The following B4GALT5 variants were observed in gnomAD, a reference collection of about 807,000 sequenced individuals.
B4GALT5 encodes the protein beta-1,4-galactosyltransferase 5, also known as UDP-Gal:beta-GlcNAc beta-1,4-galactosyltransferase 5.
A neutral mutation model predicts 45.0 loss-of-function variants in B4GALT5; 11 were observed. That is an observed-to-expected ratio of 0.24 (90% CI 0.15 to 0.40). B4GALT5 has a LOEUF of 0.40. Ranked by LOEUF, B4GALT5 falls within the 10% of genes least tolerant of loss-of-function variation. The probability of loss-of-function intolerance (pLI) is 1.00; values close to 1 mark genes in which losing one functional copy is unlikely to be tolerated. For missense variants in B4GALT5, 337 were observed against 500.2 expected (o/e 0.67, Z 3.11); for synonymous variants, 185 against 182.9 (o/e 1.01, Z -0.09).
In B4GALT5 at chr20:49,692,700, G is replaced by A. The variant is rs138953606; in HGVS notation, c.115+20876C>T. On this transcript the variant is annotated intron_variant, in intron 1 of 8. Transcript: ENST00000371711. Reference sequence around the variant, plus strand: ...ATACAGGGGTAAGCCCAATAATTTTGAGTATCCTTTCCACTGAAAACCTGT... The same window carrying A: ...ATACAGGGGTAAGCCCAATAATTTTAAGTATCCTTTCCACTGAAAACCTGT... Among the ~76,000 whole-genome samples the A allele has an allele frequency of 2.2e-4, 33 of 152,258 alleles. 1 individual carries two copies. The East Asian group carries it at 4.4e-3, about 20-fold the overall frequency.
At chr20:49,640,732 C>T (rs1442247145) in intron 5 of B4GALT5, 67 bp from the exon 6 acceptor site, 1 of 1,460,720 alleles carries the variant, frequency 6.8e-7, no homozygotes, top group East Asian at 2.4e-5. Context: ...TTTCCTGTGC[C>T]TAAAGACGAG....
chr20:49,671,398 T>G (rs554373253), intron 1 of B4GALT5, among the ~76,000 whole-genome samples: 48 of 152,238 alleles, frequency 3.2e-4, no homozygotes, highest in Non-Finnish European at 5.1e-4. Flanking sequence ...TTTCTGAGAT[T>G]ATGTCTGCAT....
At chr20:49,639,921 T>C (rs2085568872) in intron 6 of B4GALT5, 121 bp from the exon 7 acceptor site, 1 of 1,335,526 alleles carries the variant, frequency 7.5e-7, no homozygotes, top group Admixed American at 2.6e-5. Flanking sequence ...ACCATATGAA[T>C]GTATCAAATT....
chr20:49,688,736 C>T (rs767299092), intron 1 of B4GALT5, among the ~76,000 whole-genome samples: 6 of 152,046 alleles, frequency 3.9e-5, no homozygotes, highest in Admixed American at 2.6e-4. Flanking sequence ...GTCAGGAGTT[C>T]GAGACCAGCC....
chr20:49,637,487 GC>G, intron 7 of B4GALT5, 45 bp from the exon 8 acceptor site: 1 of 1,436,008 alleles, frequency 7.0e-7, no homozygotes, highest in Non-Finnish European at 9.8e-7. Flanking sequence ...AACGGTAATA[GC>G]CCAGGAGTGA....
Position 49,642,613 on chromosome 20 carries a change from A to G in B4GALT5, c.490-29T>C, listed in dbSNP as rs761546482. On this transcript the variant is annotated intron_variant, in intron 4 of 8. Transcript: ENST00000371711. ...GAGTGGATTACAGCAAAAGAAGCAC[A>G]GTTAGGACTCTCAGCTTTCACTCCT... 4 of 1,513,532 alleles carry G rather than the reference A, an allele frequency of 2.6e-6. No individual in the cohort carries two copies. In the East Asian group the frequency reaches 6.8e-5, roughly 26 times the overall value. The allele number at this position is 1,513,532 out of a possible 1,614,324, so 93.8% of individuals were successfully genotyped here.
chr20:49,697,786 A>C (rs2085845692), intron 1 of B4GALT5, among the ~76,000 whole-genome samples: 2 of 152,204 alleles, frequency 1.3e-5, no homozygotes, highest in Admixed American at 1.3e-4. Flanking sequence ...GGTCACATCA[A>C]AAATTACTTT....
At chr20:49,688,847 G>A (rs1161721157) in intron 1 of B4GALT5, among the ~76,000 whole-genome samples, 1 of 149,336 alleles carries the variant, frequency 6.7e-6, no homozygotes, top group Non-Finnish European at 1.5e-5. Context: ...TGAGGCAGGA[G>A]AATTGCTTAA....
intron 1 of B4GALT5, among the ~76,000 whole-genome samples, chr20:49,664,459 C>CAA (rs2085680337): frequency 2.7e-5 from 4 of 148,546 alleles, no homozygotes; most frequent in Non-Finnish European, 6.0e-5. Context: ...CACACACACA[C>CAA]ACACACACAC....
At chr20:49,639,568 T>C in intron 7 of B4GALT5, 110 bp downstream of exon 7, 1 of 1,463,894 alleles carries the variant, frequency 6.8e-7, no homozygotes, top group Non-Finnish European at 9.2e-7. Flanking sequence ...CTGTAGCTAC[T>C]AGAACATGTT....
chr20:49,678,083 G>GA (rs1050865581), intron 1 of B4GALT5, among the ~76,000 whole-genome samples: 19 of 152,210 alleles, frequency 1.2e-4, no homozygotes, highest in Non-Finnish European at 2.2e-4. Context: ...CATGTGCTCT[G>GA]AAAGATATGT....
At chr20:49,710,418 T>TGTG (rs1555815353) in intron 1 of B4GALT5, among the ~76,000 whole-genome samples, 6 of 148,498 alleles carry the variant, frequency 4.0e-5, no homozygotes, top group African/African-American at 1.5e-4. Flanking sequence ...TTTTTTTTTT[T>TGTG]TGTGTGTGTG....
Position 49,676,340 on chromosome 20 carries a change from G to C in B4GALT5, c.116-19638C>G, listed in dbSNP as rs558593622. Among the ~76,000 whole-genome samples the C allele has an allele frequency of 5.3e-5, 8 of 152,256 alleles. No homozygotes were observed. In the East Asian group the frequency reaches 1.4e-3, roughly 26 times the overall value. On this transcript the variant is annotated intron_variant, in intron 1 of 8. Transcript: ENST00000371711. ...AATGAATCCACAGAAAGACTTTCTTGAAGGGTCTTTTGCTAATTTGCGGTT... is the reference window on the plus strand; with the variant it reads ...AATGAATCCACAGAAAGACTTTCTTCAAGGGTCTTTTGCTAATTTGCGGTT...
intron 1 of B4GALT5, among the ~76,000 whole-genome samples, chr20:49,710,095 G>T (rs2085901344): frequency 6.6e-6 from 1 of 152,188 alleles, no homozygotes; most frequent in Admixed American, 6.5e-5. Context: ...AACATTTATA[G>T]CTACATGATT....
At chr20:49,667,548 C>G (rs191107341) in intron 1 of B4GALT5, among the ~76,000 whole-genome samples, 1 of 148,272 alleles carries the variant, frequency 6.7e-6, no homozygotes, top group Non-Finnish European at 1.5e-5. Context: ...CCACCGCGCC[C>G]GGCCTGTTGT....
intron 1 of B4GALT5, among the ~76,000 whole-genome samples, chr20:49,669,734 G>GC (rs1226931014): frequency 6.0e-5 from 9 of 150,558 alleles, no homozygotes; most frequent in African/African-American, 2.2e-4. Context: ...TTGGCACACA[G>GC]ATGCTGTGAT....
chr20:49,713,428 C>T (rs2085928558), intron 1 of B4GALT5, 148 bp downstream of exon 1: 3 of 710,682 alleles, frequency 4.2e-6, no homozygotes, highest in South Asian at 3.7e-5. Context: ...GTCCTGGCGT[C>T]CCCGAGAGCC....
chr20:49,686,728 CAAAAA>C (rs59766440), intron 1 of B4GALT5, among the ~76,000 whole-genome samples: 4 of 59,456 alleles, frequency 6.7e-5, no homozygotes, highest in African/African-American at 2.9e-4. Context: ...TGTCTCTGCC[CAAAAA>C]AAAAAAAAAA....
chr20:49,656,453 A>T, intron 2 of B4GALT5, 115 bp downstream of exon 2: 1 of 1,363,364 alleles, frequency 7.3e-7, no homozygotes, highest in Admixed American at 2.1e-5. Flanking sequence ...AGTAAAACTC[A>T]GCCAAATCCC....
Sources: allele counts gnomAD v4.1 joint callset (sites outside exome capture counted in the v4.1 genomes callset), GRCh38; gene constraint gnomAD v4.1.1; transcripts MANE v1.5; gene names NCBI Gene and HGNC (gene_info 2026-07-23, HGNC 2026-07-21).